Variants in HSD17B12 observed in about 807,000 individuals in gnomAD.
HSD17B12 encodes the protein very-long-chain 3-oxoacyl-CoA reductase.
Under a neutral mutation model 39.3 loss-of-function variants are expected in HSD17B12, and 32 were observed. The observed-to-expected ratio is 0.81, with a 90% CI of 0.61 to 1.09. The LOEUF is 1.09. Among genes scored for constraint, HSD17B12 ranks in the 50% least tolerant of loss-of-function variants. HSD17B12 has a pLI of 0.00. For missense variants in HSD17B12, 342 were observed against 382.9 expected (o/e 0.89, Z 0.89); for synonymous variants, 150 against 146.7 (o/e 1.02, Z -0.16).
chr11:43,655,366 C>T, the HSD17B12 span, among the ~76,000 whole-genome samples: 1 of 152,312 alleles, frequency 6.6e-6, no homozygotes, highest in Middle Eastern at 3.4e-3. Context: ...GACAATTTGA[C>T]TTCCTCTTTT....
the HSD17B12 span, among the ~76,000 whole-genome samples, chr11:43,598,208 C>A: frequency 6.6e-6 from 1 of 152,096 alleles, no homozygotes; most frequent in Non-Finnish European, 1.5e-5. Context: ...TTTCCTGGGT[C>A]ACTTGTGATT....
chr11:43,686,436 C>T (rs949138339), intron 1 of HSD17B12, among the ~76,000 whole-genome samples: 2 of 152,146 alleles, frequency 1.3e-5, no homozygotes. Context: ...TAAGAGGAAA[C>T]AGATGCAACT....
the HSD17B12 span, among the ~76,000 whole-genome samples, chr11:43,559,258 T>C: frequency 0.033 from 4,994 of 152,224 alleles, 285 homozygotes; most frequent in African/African-American, 0.11. Context: ...GAAAAAAAAA[T>C]CTGGTCCTGG....
chr11:43,653,964 C>T, the HSD17B12 span, among the ~76,000 whole-genome samples: 1 of 152,166 alleles, frequency 6.6e-6, no homozygotes, highest in Non-Finnish European at 1.5e-5. Flanking sequence ...CCTGAGGAAT[C>T]GCCACACTGA....
At chr11:43,795,406 C>G (rs944523951) in intron 3 of HSD17B12, among the ~76,000 whole-genome samples, 1 of 152,184 alleles carries the variant, frequency 6.6e-6, no homozygotes, top group Admixed American at 6.5e-5. Context: ...GAGACAGTTC[C>G]TGTCCTATTC....
chr11:43,719,510 G>T (rs1025120617), intron 1 of HSD17B12, among the ~76,000 whole-genome samples: 3 of 151,930 alleles, frequency 2.0e-5, no homozygotes, highest in Admixed American at 2.0e-4. Context: ...GCGAGTATGG[G>T]TTGGCTGGCT....
intron 1 of HSD17B12, among the ~76,000 whole-genome samples, chr11:43,722,258 AT>A (rs1950182753): frequency 6.6e-6 from 1 of 152,146 alleles, no homozygotes; most frequent in African/African-American, 2.4e-5. Context: ...CTAAAGTGAA[AT>A]TGTTTTTATC....
At chr11:43,752,905 T>C in intron 2 of HSD17B12, among the ~76,000 whole-genome samples, 1 of 152,174 alleles carries the variant, frequency 6.6e-6, no homozygotes, top group East Asian at 1.9e-4. Flanking sequence ...AACCTTTTTA[T>C]TTTTATAAAA....
chr11:43,850,568 T>C (rs1951521243), intron 9 of HSD17B12, among the ~76,000 whole-genome samples: 1 of 152,208 alleles, frequency 6.6e-6, no homozygotes, highest in Admixed American at 6.5e-5. Flanking sequence ...AGTACACAGA[T>C]GATGACACCT....
chr11:43,635,594 A>G, the HSD17B12 span, among the ~76,000 whole-genome samples: 2 of 152,228 alleles, frequency 1.3e-5, no homozygotes, highest in African/African-American at 4.8e-5. Context: ...CACCTTGAAG[A>G]TAGTTACAAA....
chr11:43,620,114 C>T, the HSD17B12 span, among the ~76,000 whole-genome samples: 1 of 152,188 alleles, frequency 6.6e-6, no homozygotes, highest in Admixed American at 6.5e-5. Context: ...GTCAGCAAAT[C>T]CGGATCCTGG....
intron 5 of HSD17B12, among the ~76,000 whole-genome samples, chr11:43,815,702 T>C (rs1409681202): frequency 6.6e-6 from 1 of 152,124 alleles, no homozygotes; most frequent in East Asian, 1.9e-4. Context: ...TTCATAGGGG[T>C]ATTAGAAAGA....
chr11:43,581,561 C>A, the HSD17B12 span: 1 of 419,292 alleles, frequency 2.4e-6, no homozygotes, highest in South Asian at 1.7e-5. The surrounding 1 kb of genome is among the most constrained non-coding windows in gnomAD (Gnocchi z 4.9). Context: ...CCGAGCCTTA[C>A]CCGGCCCTTT....
intron 9 of HSD17B12, among the ~76,000 whole-genome samples, chr11:43,847,433 G>A (rs969276467): frequency 1.3e-5 from 2 of 152,112 alleles, no homozygotes; most frequent in African/African-American, 2.4e-5. Context: ...CGCCATGCAC[G>A]GTGGCTCACG....
the HSD17B12 span, among the ~76,000 whole-genome samples, chr11:43,564,341 T>C: frequency 6.6e-6 from 1 of 152,218 alleles, no homozygotes; most frequent in Non-Finnish European, 1.5e-5. Context: ...CTACAAAGGT[T>C]ATTTGCTTCT....
At chr11:43,676,852 TC>T (rs1949698493), upstream of HSD17B12, among the ~76,000 whole-genome samples, 1 of 152,088 alleles carries the variant, frequency 6.6e-6, no homozygotes, top group African/African-American at 2.4e-5. Flanking sequence ...AACTGTCTTC[TC>T]CCCCTTCCAC....
At chr11:43,643,004 T>A in the HSD17B12 span, among the ~76,000 whole-genome samples, 530 of 152,150 alleles carry the variant, frequency 3.5e-3, no homozygotes, top group Non-Finnish European at 5.3e-3. Flanking sequence ...TGCATGTGTA[T>A]TAGGATTTCT....
chr11:43,626,860 A>T, the HSD17B12 span, among the ~76,000 whole-genome samples: 1 of 152,056 alleles, frequency 6.6e-6, no homozygotes, highest in South Asian at 2.1e-4. Flanking sequence ...TCCCACAAAA[A>T]GAATCAATGC....
chr11:43,824,216 C>T (rs1379125405), intron 6 of HSD17B12, among the ~76,000 whole-genome samples: 1 of 152,192 alleles, frequency 6.6e-6, no homozygotes, highest in Non-Finnish European at 1.5e-5. Context: ...TTTGACTTCT[C>T]TCACTCATTT....
Sources: allele counts gnomAD v4.1 joint callset (sites outside exome capture counted in the v4.1 genomes callset), GRCh38; gene constraint gnomAD v4.1.1; non-coding constraint Gnocchi (gnomAD v3.1); transcripts MANE v1.5; gene names NCBI Gene and HGNC (gene_info 2026-07-23, HGNC 2026-07-21).